The following PDE9A variants were observed in gnomAD, a reference collection of about 807,000 sequenced individuals.
The protein encoded by PDE9A is high affinity cGMP-specific 3',5'-cyclic phosphodiesterase 9A.
Under a neutral mutation model 87.4 loss-of-function variants are expected in PDE9A, and 60 were observed. The observed-to-expected ratio is 0.69, with a 90% confidence interval of 0.56 to 0.85. The LOEUF (loss-of-function observed/expected upper bound fraction) is 0.85, where lower values mean the gene tolerates loss of function less well. Ranked by LOEUF, PDE9A falls within the 40% of genes least tolerant of loss-of-function variation. PDE9A has a pLI of 0.00. For missense variants in PDE9A, 665 were observed against 779.0 expected, an observed-to-expected ratio of 0.85 and a Z score of 1.74; for synonymous variants, 272 against 279.4, an observed-to-expected ratio of 0.97 and a Z score of 0.27.
chr21:42,688,218 A>C (rs1233237295), intron 3 of PDE9A, among the ~76,000 whole-genome samples: 4 of 152,144 alleles, frequency 2.6e-5, no homozygotes, highest in Non-Finnish European at 4.4e-5. Flanking sequence ...GTGGCTCTGC[A>C]CCTGCTTCTC....
rs780490567 is a variant in PDE9A, at chr21:42,668,898, A to ACCACCC, written c.69+15017_69+15018insACCCCC. ...ACGGATTATCAGAGCTGCTCCCTCCACCCCCCGCCACGTCCCACGCGGGCC... is the reference window on the plus strand; with the variant it reads ...ACGGATTATCAGAGCTGCTCCCTCCACCACCCCCCCCCGCCACGTCCCACGCGGGCC... On this transcript the variant is annotated intron_variant, in intron 1 of 19. Transcript: ENST00000291539. 8.6e-5 allele frequency among the ~76,000 whole-genome samples: 9 copies of ACCACCC among 104,856 alleles called. 1 individual carries two copies. The highest frequency in any genetic ancestry group is 5.4e-3 in the Middle Eastern group (1 of 186). The allele number at this position is 104,856 out of a possible 152,430, so 68.8% of individuals were successfully genotyped here. A position where few individuals can be genotyped will look rare whatever the true frequency, so the allele number is the denominator to read the frequency against.
intron 1 of PDE9A, among the ~76,000 whole-genome samples, chr21:42,670,389 C>T (rs1226668460): frequency 3.2e-5 from 4 of 123,550 alleles, no homozygotes; most frequent in East Asian, 2.3e-4. Flanking sequence ...TTCACATTTA[C>T]ATTCACAAAC....
In PDE9A at chr21:42,707,998, A is replaced by G. The variant is rs567341103; in HGVS notation, c.262+8987A>G. 2.3e-4 allele frequency among the ~76,000 whole-genome samples: 35 copies of G among 152,254 alleles called. 1 individual carries two copies. The South Asian group carries it at 6.6e-3, about 29-fold the overall frequency. ...GGAATGCTTCCTAAGGTCTAAAACA[A>G]AAGGCGGAGGACTGGCTGTGTCTGC... On this transcript the variant is annotated intron_variant, in intron 4 of 19. Transcript: ENST00000291539.
At chr21:42,729,557 T>G (rs759226525) in intron 4 of PDE9A, among the ~76,000 whole-genome samples, 1 of 152,204 alleles carries the variant, frequency 6.6e-6, no homozygotes, top group African/African-American at 2.4e-5. Context: ...TTTACTTTGC[T>G]CTTCTTTTCC....
intron 1 of PDE9A, among the ~76,000 whole-genome samples, chr21:42,664,671 G>A (rs1010128498): frequency 6.6e-6 from 1 of 151,892 alleles, no homozygotes; most frequent in Admixed American, 6.5e-5. Context: ...GAAAGGAAGG[G>A]AGGGAGGGAG....
chr21:42,725,283 G>A (rs1428475770), intron 4 of PDE9A, among the ~76,000 whole-genome samples: 1 of 151,952 alleles, frequency 6.6e-6, no homozygotes, highest in Non-Finnish European at 1.5e-5. Flanking sequence ...TGTTGCCCAG[G>A]CTGGAGTGCA....
At chr21:42,769,683 GGCACACAC>G (rs1213653023) in intron 17 of PDE9A, among the ~76,000 whole-genome samples, 4 of 41,798 alleles carry the variant, frequency 9.6e-5, no homozygotes, top group Non-Finnish European at 4.2e-5. Flanking sequence ...TGCACACACA[GGCACACAC>G]ATACACACAT....
Position 42,759,041 on chromosome 21 carries a change from G to C in PDE9A, c.853G>C (p.Val285Leu). Residue 285 changes from valine to leucine, a missense_variant, in exon 11 of 20, where the codon GTC becomes CTC. Transcript: ENST00000291539. This position sits in a 1 kb window ranked among gnomAD's most constrained non-coding sequence, Gnocchi z 7.2. Reference sequence around the variant, plus strand: ...GCACATGTACCACGACCTCGGGCTGGTCAGGGACTTCAGCATCAACCCTGT... The same window carrying C: ...GCACATGTACCACGACCTCGGGCTGCTCAGGGACTTCAGCATCAACCCTGT... The part of the protein sequence containing the change: ...LEHMYHDLGL[V>L]RDFSINPVTL... 3 of 1,614,172 alleles carry C rather than the reference G, an allele frequency of 1.9e-6. No homozygotes were observed. Among genetic ancestry groups the C allele is most frequent in the Non-Finnish European group, 2.5e-6 (3 of 1,180,006 alleles).
At chr21:42,663,031 CACATGCACATCACAT>C (rs1455248985) in intron 1 of PDE9A, among the ~76,000 whole-genome samples, 1 of 149,788 alleles carries the variant, frequency 6.7e-6, no homozygotes, top group African/African-American at 2.5e-5. Context: ...ACATATCACA[CACATGCACATCACAT>C]ACATGCACAC....
intron 7 of PDE9A, among the ~76,000 whole-genome samples, chr21:42,738,908 C>G (rs953313173): frequency 1.1e-4 from 16 of 152,208 alleles, no homozygotes; most frequent in African/African-American, 3.9e-4. Context: ...ACAAGCTGGT[C>G]TCAAACTCCT....
intron 1 of PDE9A, among the ~76,000 whole-genome samples, chr21:42,667,125 G>A (rs975535619): frequency 1.3e-5 from 2 of 152,134 alleles, no homozygotes; most frequent in African/African-American, 4.8e-5. Context: ...CCATGCTGGC[G>A]AAACAGCAAA....
intron 8 of PDE9A, among the ~76,000 whole-genome samples, chr21:42,747,238 T>C (rs1217893364): frequency 6.7e-6 from 1 of 148,500 alleles, no homozygotes; most frequent in Non-Finnish European, 1.5e-5. Flanking sequence ...CCTGTAGCAA[T>C]GTGGGGACCC....
chr21:42,701,647 G>A (rs1032221773), intron 4 of PDE9A, among the ~76,000 whole-genome samples: 8 of 151,864 alleles, frequency 5.3e-5, no homozygotes, highest in South Asian at 2.1e-4. Context: ...GTATTGCCCA[G>A]GCTGGTCTCA....
rs554763798 is a variant in PDE9A, at chr21:42,666,816, G to C, written c.69+12933G>C. 4.6e-5 allele frequency among the ~76,000 whole-genome samples: 7 copies of C among 152,330 alleles called. No homozygotes were observed. In the East Asian group the frequency reaches 1.3e-3, roughly 29 times the overall value. On this transcript the variant is annotated intron_variant, in intron 1 of 19. Transcript: ENST00000291539. Reference sequence around the variant, plus strand: ...GGACACAGTTCAGTCCATAGCACCCGCTTTGGGAAGTGGGAATGACCTCTC... The same window carrying C: ...GGACACAGTTCAGTCCATAGCACCCCCTTTGGGAAGTGGGAATGACCTCTC...
At position 42,759,526 on chromosome 21, in the gene PDE9A, G is replaced by A. The variant is rs932941851; in HGVS notation, c.897+441G>A. Among the ~76,000 whole-genome samples, 2 of 150,436 alleles carry A rather than the reference G, an allele frequency of 1.3e-5. No individual in the cohort carries two copies. Among genetic ancestry groups the A allele is most frequent in the Non-Finnish European group, 3.0e-5 (2 of 67,536 alleles). On this transcript the variant is annotated intron_variant, in intron 11 of 19. Transcript: ENST00000291539. This position sits in a 1 kb window ranked among gnomAD's most constrained non-coding sequence, Gnocchi z 7.2. ...TGGGTGTGTGGATGTAAATGTGTGG[G>A]AGCGTGTGTGTGTGTGAGTGTGGGG...
rs1182007930 is a variant in PDE9A at position 42,702,698 on chromosome 21, C to G, written c.262+3687C>G. Among the ~76,000 whole-genome samples, 1 of 152,206 alleles carries G rather than the reference C, an allele frequency of 6.6e-6. No individual in the cohort carries two copies. The highest frequency in any genetic ancestry group is 1.5e-5 in the Non-Finnish European group (1 of 68,032). The stretch of plus-strand genomic sequence containing the variant: ...GAGAATGGCTCTAGAGGGCCCTTAC[C>G]CCAGGGATAGCTCAGTCCTACTAAG... On this transcript the variant is annotated intron_variant, in intron 4 of 19. Coordinates refer to ENST00000291539, the MANE Select transcript of PDE9A (RefSeq NM_002606.3). This position sits in a 1 kb window ranked among gnomAD's most constrained non-coding sequence, Gnocchi z 4.9.
chr21:42,765,685 C>A (rs2284971), intron 15 of PDE9A, 191 bp downstream of exon 15: 251,968 of 585,352 alleles, frequency 0.43, 55,500 homozygotes, highest in South Asian at 0.61. Flanking sequence ...CCTGATGGGT[C>A]CTCCTTCATG....
chr21:42,706,769 T>TC (rs375385700), intron 4 of PDE9A, among the ~76,000 whole-genome samples: 1 of 151,898 alleles, frequency 6.6e-6, no homozygotes, highest in Non-Finnish European at 1.5e-5. Context: ...CTGTGAGCAG[T>TC]CCCCCCTCCA....
rs1311046459 is a variant in PDE9A at position 42,743,918 on chromosome 21, T to G, written c.653+58T>G. ...GCCTGGGGAGGGCTCCCCGTACCAG[T>G]TGGGCTGGGGCTGTGGGCTTTGTTT... On this transcript the variant is annotated intron_variant, in intron 8 of 19. Transcript: ENST00000291539. 1.0e-5 allele frequency: 10 copies of G among 975,704 alleles called. No homozygotes were observed. The Admixed American group carries it at 1.4e-4, about 14-fold the overall frequency. 60.4% of individuals were successfully genotyped at this position (975,704 alleles called of 1,614,324 possible).
Sources: allele counts gnomAD v4.1 joint callset (sites outside exome capture counted in the v4.1 genomes callset), GRCh38; gene constraint gnomAD v4.1.1; non-coding constraint Gnocchi (gnomAD v3.1); transcripts MANE v1.5; gene names NCBI Gene and HGNC (gene_info 2026-07-23, HGNC 2026-07-21).